The following RFX7 variants were observed in gnomAD, a reference collection of about 807,000 sequenced individuals.
RFX7 encodes the protein regulatory factor X7, also known as DNA-binding protein RFX7.
A neutral mutation model predicts 111.8 loss-of-function variants in RFX7; 26 were observed. That is an observed-to-expected ratio of 0.23 (90% CI 0.17 to 0.32). The LOEUF is 0.32. Among genes scored for constraint, RFX7 ranks in the 10% least tolerant of loss-of-function variants. The pLI is 1.00. For synonymous variants in RFX7, 624 were observed against 624.4 expected, an observed-to-expected ratio of 1.00 and a Z score of 0.01; for missense variants, 1,573 against 1,772.9, an observed-to-expected ratio of 0.89 and a Z score of 2.02.
intron 2 of RFX7, among the ~76,000 whole-genome samples, chr15:56,210,519 C>T (rs2043302614): frequency 6.6e-6 from 1 of 152,044 alleles, no homozygotes; most frequent in South Asian, 2.1e-4. Context: ...TCTTCTCAAG[C>T]TCACATGGAA....
In RFX7 at chr15:56,095,507, C is replaced by T; in HGVS notation, c.2221G>A (p.Asp741Asn). The T allele has an allele frequency of 1.2e-6, 2 of 1,613,144 alleles. No homozygotes were observed. Among genetic ancestry groups the T allele is most frequent in the Non-Finnish European group, 1.7e-6 (2 of 1,179,852 alleles). Residue 741 changes from aspartate (D) to asparagine (N), a missense_variant, in exon 10 of 10, where the codon GAT becomes AAT. Asp to Asn is a conservative substitution (Grantham distance 23). Transcript: ENST00000559447. ...PLNSSALVIS[D>N]SALEQQTTPS... is the part of the protein sequence containing the mutation. ...GTTGTTTGCTGTTCCAAAGCTGAAT[C>T]ACTGATAACAAGGGCAGAGGAATTC...
At chr15:56,243,062 C>CCCCCCCCATTG in intron 2 of RFX7, 63 bp downstream of exon 2, 7 of 1,049,046 alleles carry the variant, frequency 6.7e-6, no homozygotes, top group Non-Finnish European at 8.0e-6. Context: ...CGCCGCCCCC[C>CCCCCCCCATTG]ACCCACTTTG....
At chr15:56,128,513 G>A (rs926593063) in intron 5 of RFX7, among the ~76,000 whole-genome samples, 4 of 151,968 alleles carry the variant, frequency 2.6e-5, no homozygotes, top group East Asian at 3.9e-4. Context: ...CAGAAAAAAC[G>A]TTTGACAGAT....
chr15:56,147,517 T>C (rs993248938), intron 3 of RFX7, among the ~76,000 whole-genome samples: 19 of 152,216 alleles, frequency 1.2e-4, no homozygotes, highest in Non-Finnish European at 2.8e-4. Context: ...ACAGTTAATG[T>C]ACTAAATATC....
intron 3 of RFX7, among the ~76,000 whole-genome samples, chr15:56,178,166 T>TACACACAC (rs140828561): frequency 1.0e-4 from 12 of 119,652 alleles, no homozygotes; most frequent in Admixed American, 1.7e-4. Context: ...ACCAAAAAAC[T>TACACACAC]ACACACACAC....
chr15:56,165,614 C>T (rs1320871786), intron 3 of RFX7, among the ~76,000 whole-genome samples: 2 of 152,158 alleles, frequency 1.3e-5, no homozygotes, highest in Admixed American at 6.5e-5. Context: ...TCATTAGACA[C>T]GTTCCATTTT....
Position 56,096,387 on chromosome 15 carries a change from T to G in RFX7, c.1341A>C (p.Pro447=), listed in dbSNP as rs2041678141. 2 of 1,613,896 alleles carry G rather than the reference T, an allele frequency of 1.2e-6. No individual in the cohort carries two copies. Among genetic ancestry groups the G allele is most frequent in the East Asian group, 4.5e-5 (2 of 44,874 alleles). The change falls in exon 10 of 10, where the codon CCA becomes CCC. Residue 447 remains proline (P), a synonymous_variant. Coordinates refer to ENST00000559447, the MANE Select transcript of RFX7 (RefSeq NM_022841.7). ...ANTSALTIRS[P]TTVLFTSSPI... is the part of the protein sequence containing the mutation. ...GACTACTAGTAAAGAGGACAGTAGT[T>G]GGAGAGCGAATGGTGAGTGCACTGG... is the stretch of plus-strand genomic sequence containing the variant.
chr15:56,226,492 G>A (rs1451687897), intron 2 of RFX7, among the ~76,000 whole-genome samples: 4 of 152,072 alleles, frequency 2.6e-5, no homozygotes, highest in Non-Finnish European at 4.4e-5. Context: ...GGGGAAATTA[G>A]TTCAGGGAAA....
In RFX7 at chr15:56,095,029, A is replaced by T. The variant is rs2041653156; in HGVS notation, c.2699T>A (p.Met900Lys). The T allele has an allele frequency of 1.2e-6, 2 of 1,613,816 alleles. No individual in the cohort carries two copies. Among genetic ancestry groups the T allele is most frequent in the South Asian group, 2.2e-5 (2 of 91,062 alleles). The change falls in exon 10 of 10, where the codon ATG (methionine) becomes AAG (lysine). Residue 900 changes from methionine (M) to lysine (K), a missense_variant. Around this residue, in one of 7 missense-constraint regions of RFX7, gnomAD observed 625 missense variants for 632.2 expected, o/e 0.99. Coordinates refer to ENST00000559447, the MANE Select transcript of RFX7 (RefSeq NM_022841.7). ...GTTGCCGTAAGAATGAGAATTGTTCATTGACATTTGCTGCTCCATAAGCAC... is the reference window on the plus strand; with the variant it reads ...GTTGCCGTAAGAATGAGAATTGTTCTTTGACATTTGCTGCTCCATAAGCAC... The part of the protein sequence containing the change: ...ELVLMEQQMS[M>K]NNSHSYGNCL...
chr15:56,144,604 T>C (rs76971566), intron 3 of RFX7, 121 bp from the exon 4 acceptor site: 5,080 of 338,226 alleles, frequency 0.015, 222 homozygotes, highest in African/African-American at 0.097. Flanking sequence ...AGATGAATCA[T>C]CTGTCTTTTC....
At chr15:56,167,571 A>G (rs1045072736) in intron 3 of RFX7, among the ~76,000 whole-genome samples, 1 of 152,216 alleles carries the variant, frequency 6.6e-6, no homozygotes, top group Non-Finnish European at 1.5e-5. Flanking sequence ...AAATGTTACA[A>G]CTCAAATAAG....
chr15:56,121,037 G>T (rs2042071824), intron 5 of RFX7, among the ~76,000 whole-genome samples: 1 of 152,106 alleles, frequency 6.6e-6, no homozygotes, highest in South Asian at 2.1e-4. Context: ...CAATTACAGT[G>T]TTATAATAGT....
intron 2 of RFX7, among the ~76,000 whole-genome samples, chr15:56,184,806 C>G (rs1225455643): frequency 1.3e-5 from 2 of 152,170 alleles, no homozygotes; most frequent in Non-Finnish European, 2.9e-5. Context: ...ATTATAATTA[C>G]TGCCACTGGC....
At position 56,093,957 on chromosome 15, in the gene RFX7, A is replaced by C; in HGVS notation, c.3771T>G (p.Leu1257=). 2 of 1,613,974 alleles carry C rather than the reference A, an allele frequency of 1.2e-6. No homozygotes were observed. Among genetic ancestry groups the C allele is most frequent in the Non-Finnish European group, 1.7e-6 (2 of 1,179,868 alleles). ...KKITNVLLSK[L]DSDNDDAVRG... Reference sequence around the variant, plus strand: ...TCACTGCATCATCATTGTCGGAATCAAGTTTACTCAACAAAACATTGGTTA... The same window carrying C: ...TCACTGCATCATCATTGTCGGAATCCAGTTTACTCAACAAAACATTGGTTA... Residue 1257 remains leucine, a synonymous_variant, in exon 10 of 10, where the codon CTT becomes CTG. Transcript: ENST00000559447.
chr15:56,138,368 A>G (rs2042337040), intron 5 of RFX7, among the ~76,000 whole-genome samples: 1 of 150,866 alleles, frequency 6.6e-6, no homozygotes, highest in African/African-American at 2.4e-5. Flanking sequence ...ACCATTATGA[A>G]ATGGCCTTCT....
chr15:56,100,792 C>T (rs1157305486), intron 8 of RFX7, among the ~76,000 whole-genome samples: 1 of 152,062 alleles, frequency 6.6e-6, no homozygotes, highest in Non-Finnish European at 1.5e-5. Context: ...CCAAAATTGT[C>T]GATTCCAAAA....
Position 56,225,554 on chromosome 15 carries a change from A to G in RFX7, c.161+17571T>C, listed in dbSNP as rs540114583. On this transcript the variant is annotated intron_variant, in intron 2 of 9. Transcript: ENST00000559447. ...TCCAAATAGGCTGAAAATGTAGGTA[A>G]TTCACAACATTTCACATCTCACTTT... Among the ~76,000 whole-genome samples, 3 of 152,310 alleles carry G rather than the reference A, an allele frequency of 2.0e-5. No homozygotes were observed. The South Asian group carries it at 6.2e-4, about 32-fold the overall frequency.
chr15:56,162,093 T>G (rs1288167749), intron 3 of RFX7, among the ~76,000 whole-genome samples: 5 of 151,970 alleles, frequency 3.3e-5, no homozygotes, highest in Non-Finnish European at 5.9e-5. Flanking sequence ...AAGGATAAGG[T>G]TTAGATCTTT....
chr15:56,115,355 T>A (rs1228535079), intron 5 of RFX7, among the ~76,000 whole-genome samples: 1 of 152,208 alleles, frequency 6.6e-6, no homozygotes, highest in East Asian at 1.9e-4. Flanking sequence ...TCTTTTTTTA[T>A]TGTATGATTC....
Sources: gnomAD v4.1 joint callset for allele counts (sites outside exome capture counted in the v4.1 genomes callset) on GRCh38, gnomAD v4.1.1 for gene constraint, gnomAD v4.1.1 regional missense constraint, MANE v1.5 for transcripts, NCBI Gene and HGNC (gene_info 2026-07-23, HGNC 2026-07-21) for gene names.